COL23A1: variants seen among roughly 807,000 people sequenced by gnomAD.
COL23A1 encodes collagen type XXIII alpha 1 chain.
In COL23A1, 97 loss-of-function variants were observed where a neutral mutation model predicts 99.3. The ratio of observed to expected loss-of-function variants is 0.98; its 90% CI spans 0.83 to 1.16. The LOEUF is 1.16. Ranked by LOEUF, COL23A1 falls within the 50% of genes most tolerant of loss-of-function variation. The pLI is 0.00. For synonymous variants in COL23A1, 320 were observed against 308.2 expected (o/e 1.04, Z -0.40); for missense variants, 762 against 757.4 (o/e 1.01, Z -0.07).
At chr5:178,316,641 G>T (rs1034288530) in intron 2 of COL23A1, among the ~76,000 whole-genome samples, 14 of 152,164 alleles carry the variant, frequency 9.2e-5, no homozygotes, top group Admixed American at 6.5e-4. Context: ...TAGGAAGAGG[G>T]ATCTTGTTTA....
intron 2 of COL23A1, among the ~76,000 whole-genome samples, chr5:178,497,023 C>T (rs1333587883): frequency 6.6e-6 from 1 of 152,148 alleles, no homozygotes; most frequent in Non-Finnish European, 1.5e-5. Context: ...TCCTAGAATT[C>T]CATTTGGTTT....
chr5:178,300,631 T>C (rs906159184), intron 3 of COL23A1, among the ~76,000 whole-genome samples: 1 of 152,040 alleles, frequency 6.6e-6, no homozygotes, highest in Non-Finnish European at 1.5e-5. Flanking sequence ...CTCACTGTAA[T>C]CTCTGCCTCC....
chr5:178,351,777 C>T (rs890936318), intron 2 of COL23A1: 1 of 152,268 alleles, frequency 6.6e-6, no homozygotes, highest in Non-Finnish European at 1.5e-5. Flanking sequence ...AGCCCCTAGT[C>T]CCCATTGTGA....
At chr5:178,413,693 A>AAAG (rs1408276455) in intron 2 of COL23A1, among the ~76,000 whole-genome samples, 1 of 152,202 alleles carries the variant, frequency 6.6e-6, no homozygotes, top group Non-Finnish European at 1.5e-5. Context: ...GATTGCTCTT[A>AAAG]GCTTGGGGTA....
At chr5:178,290,859 G>A (rs1374811049) in intron 3 of COL23A1, among the ~76,000 whole-genome samples, 1 of 152,184 alleles carries the variant, frequency 6.6e-6, no homozygotes, top group Non-Finnish European at 1.5e-5. Context: ...AGAAATGCAT[G>A]AGGAGTAGCA....
At chr5:178,335,536 T>C (rs74863874) in intron 2 of COL23A1, among the ~76,000 whole-genome samples, 1,996 of 152,364 alleles carry the variant, frequency 0.013, 15 homozygotes, top group Admixed American at 0.025. Flanking sequence ...CAGATATTCC[T>C]TCTTGAAACT....
At chr5:178,348,513 G>T (rs1761119333) in intron 2 of COL23A1, among the ~76,000 whole-genome samples, 1 of 152,194 alleles carries the variant, frequency 6.6e-6, no homozygotes, top group Non-Finnish European at 1.5e-5. Context: ...AGGGTTGGGT[G>T]TGTGGCCTCA....
chr5:178,350,081 G>A (rs1192363186), intron 2 of COL23A1, among the ~76,000 whole-genome samples: 4 of 152,210 alleles, frequency 2.6e-5, no homozygotes, highest in African/African-American at 7.2e-5. Flanking sequence ...CAAGCTGGCT[G>A]TGCCCAGGGA....
intron 2 of COL23A1, among the ~76,000 whole-genome samples, chr5:178,326,673 A>T (rs188920673): frequency 4.2e-4 from 64 of 152,082 alleles, no homozygotes; most frequent in Admixed American, 3.7e-3. Context: ...CCCCCACCTC[A>T]TCATTCATCC....
In COL23A1 at chr5:178,341,326, G is replaced by A. The variant is rs566598407; in HGVS notation, c.362-34407C>T. Among the ~76,000 whole-genome samples, 7 of 152,242 alleles carry A rather than the reference G, an allele frequency of 4.6e-5. No homozygotes were observed. The South Asian group carries it at 8.3e-4, about 18-fold the overall frequency. Reference sequence around the variant, plus strand: ...TACAAGGAGAATAAGAACCTTGGCTGGGGAACCCAAGATAGGTCGGTCAAC... The same window carrying A: ...TACAAGGAGAATAAGAACCTTGGCTAGGGAACCCAAGATAGGTCGGTCAAC... On this transcript the variant is annotated intron_variant, in intron 2 of 28. Coordinates refer to ENST00000390654, the MANE Select transcript of COL23A1 (RefSeq NM_173465.4).
intron 2 of COL23A1, among the ~76,000 whole-genome samples, chr5:178,353,245 C>T (rs1561889538): frequency 7.0e-6 from 1 of 142,394 alleles, no homozygotes; most frequent in African/African-American, 2.7e-5. Flanking sequence ...CAAAATGAAG[C>T]TATAACAGTA....
chr5:178,485,560 G>A (rs975445128), intron 2 of COL23A1, among the ~76,000 whole-genome samples: 4 of 149,438 alleles, frequency 2.7e-5, no homozygotes, highest in Non-Finnish European at 4.5e-5. Context: ...ACCACCTGAC[G>A]TCAGGAGTTC....
intron 2 of COL23A1, among the ~76,000 whole-genome samples, chr5:178,392,226 G>A (rs753471717): frequency 6.6e-6 from 1 of 151,742 alleles, no homozygotes; most frequent in African/African-American, 2.4e-5. Context: ...ACTTTACATG[G>A]GTAAACTGTA....
intron 3 of COL23A1, among the ~76,000 whole-genome samples, chr5:178,290,631 C>A (rs141572070): frequency 3.3e-4 from 51 of 152,334 alleles, no homozygotes; most frequent in African/African-American, 1.2e-3. Flanking sequence ...GCATTCATGT[C>A]ACCAGGCAGC....
chr5:178,271,705 A>G (rs775462158), intron 5 of COL23A1, among the ~76,000 whole-genome samples: 9 of 152,224 alleles, frequency 5.9e-5, no homozygotes, highest in Admixed American at 1.3e-4. Flanking sequence ...CACAGTAGAA[A>G]GGGAAGGCGG....
chr5:178,585,989 C>T (rs902084918), intron 1 of COL23A1, among the ~76,000 whole-genome samples: 4 of 152,186 alleles, frequency 2.6e-5, no homozygotes, highest in Admixed American at 6.5e-5. Flanking sequence ...AAGAGACAAC[C>T]TCTCAAGAAG....
intron 27 of COL23A1, among the ~76,000 whole-genome samples, chr5:178,240,296 T>C (rs1437995848): frequency 1.3e-5 from 2 of 151,968 alleles, no homozygotes; most frequent in Non-Finnish European, 2.9e-5. Context: ...AATATTCCCA[T>C]GTGTACACCA....
chr5:178,344,960 G>A (rs2127668217), intron 2 of COL23A1: 1 of 612,544 alleles, frequency 1.6e-6, no homozygotes, highest in Non-Finnish European at 3.1e-6. Flanking sequence ...AGTGGTTGCT[G>A]AGACAGAAGA....
chr5:178,390,418 C>T (rs148376783), intron 2 of COL23A1, among the ~76,000 whole-genome samples: 1 of 152,304 alleles, frequency 6.6e-6, no homozygotes, highest in African/African-American at 2.4e-5. Flanking sequence ...AAGGTATGGC[C>T]ACATAAAGAA....
Sources: allele counts gnomAD v4.1 joint callset (sites outside exome capture counted in the v4.1 genomes callset), GRCh38; gene constraint gnomAD v4.1.1; transcripts MANE v1.5; gene names NCBI Gene and HGNC (gene_info 2026-07-23, HGNC 2026-07-21).